CNTLN: variants seen among roughly 807,000 people sequenced by gnomAD.
The protein encoded by CNTLN is centlein, centrosomal protein.
In CNTLN, 212 loss-of-function variants were observed where a neutral mutation model predicts 180.0. The ratio of observed to expected loss-of-function variants is 1.18; its 90% CI spans 1.05 to 1.32. The LOEUF is 1.32. CNTLN is among the 40% of genes most tolerant of loss of function. The pLI is 0.00. For synonymous variants in CNTLN, 722 were observed against 563.1 expected, an observed-to-expected ratio of 1.28 and a Z score of -3.99; for missense variants, 2,095 against 1,610.9, an observed-to-expected ratio of 1.30 and a Z score of -5.14.
chr9:17,417,911 A>AGT (rs1828389530), intron 18 of CNTLN, among the ~76,000 whole-genome samples: 1 of 152,030 alleles, frequency 6.6e-6, no homozygotes. Flanking sequence ...ATTAGGAGGT[A>AGT]TAAAAAGCAC....
chr9:17,330,666 C>A lies in CNTLN; in HGVS notation c.1376C>A (p.Thr459Lys). The A allele has an allele frequency of 6.2e-7, 1 of 1,608,030 alleles. No individual in the cohort carries two copies. The highest frequency in any genetic ancestry group is 8.5e-7 in the Non-Finnish European group (1 of 1,176,846). ...CGCCCATCCTTATCAAGCTTAGAAA[C>A]GTTAATGGTTTCACAGAAGTCTGAA... Reference protein sequence around the residue: ...PHRPSLSSLETLMVSQKSEIE... With the variant: ...PHRPSLSSLEKLMVSQKSEIE... The change falls in exon 9 of 26, where the codon ACG (threonine) becomes AAG (lysine). Residue 459 changes from threonine (T) to lysine (K), a missense_variant. Thr to Lys is a moderately conservative substitution (Grantham distance 78). Transcript: ENST00000380647.
At chr9:17,267,093 G>A (rs940274219) in intron 5 of CNTLN, among the ~76,000 whole-genome samples, 19 of 152,066 alleles carry the variant, frequency 1.2e-4, no homozygotes, top group African/African-American at 4.6e-4. Context: ...GATGTTAGCT[G>A]GTTATTTTGC....
At chr9:17,320,911 C>T (rs999590076) in intron 8 of CNTLN, among the ~76,000 whole-genome samples, 6 of 152,154 alleles carry the variant, frequency 3.9e-5, no homozygotes, top group Non-Finnish European at 2.9e-5. Context: ...AATATATATT[C>T]CCTGCCAAAC....
At chr9:17,297,309 A>G (rs997491099) in intron 6 of CNTLN, among the ~76,000 whole-genome samples, 11 of 152,226 alleles carry the variant, frequency 7.2e-5, no homozygotes, top group African/African-American at 2.7e-4. Flanking sequence ...GGACTTGAGC[A>G]TCTGTAAATT....
Position 17,484,323 on chromosome 9 carries a change from T to C in CNTLN, c.3884T>C (p.Val1295Ala). Residue 1295 changes from valine (V) to alanine (A), a missense_variant, in exon 24 of 26, where the codon GTC becomes GCC. Transcript: ENST00000380647. ...KALAKELQNDVHVVRRQIREL... is the reference protein window; with the variant it reads ...KALAKELQNDAHVVRRQIREL... ...TTGGCCAAAGAGTTGCAAAATGATG[T>C]CCATGTGGTAAGGCGACAAATAAGA... is the stretch of plus-strand genomic sequence containing the variant. 1 of 1,604,306 alleles carries C rather than the reference T, an allele frequency of 6.2e-7. No individual in the cohort carries two copies. Among genetic ancestry groups the C allele is most frequent in the Non-Finnish European group, 8.5e-7 (1 of 1,177,498 alleles).
At chr9:17,460,858 T>C (rs1015091519) in intron 19 of CNTLN, among the ~76,000 whole-genome samples, 2 of 151,742 alleles carry the variant, frequency 1.3e-5, no homozygotes, top group African/African-American at 4.8e-5. Flanking sequence ...CAATTCTAAG[T>C]TTATTTTACT....
At chr9:17,526,981 G>A in the CNTLN span, among the ~76,000 whole-genome samples, 3 of 152,206 alleles carry the variant, frequency 2.0e-5, no homozygotes, top group African/African-American at 7.2e-5. Flanking sequence ...GGGTCCAAGT[G>A]ATTCTCCTGC....
At chr9:17,332,528 C>T (rs1335214374) in intron 9 of CNTLN, 77 bp from the exon 10 acceptor site, 5 of 1,321,786 alleles carry the variant, frequency 3.8e-6, no homozygotes, top group Admixed American at 5.1e-5. Flanking sequence ...TTCAAAATTA[C>T]TTGTTCTTTA....
At chr9:17,357,260 T>C (rs935597889) in intron 12 of CNTLN, among the ~76,000 whole-genome samples, 7 of 98,160 alleles carry the variant, frequency 7.1e-5, no homozygotes, top group Admixed American at 6.2e-4. Context: ...CATTGATGGA[T>C]GTTTGGGTTT....
At chr9:17,156,820 A>G (rs1454327178) in intron 2 of CNTLN, among the ~76,000 whole-genome samples, 1 of 152,238 alleles carries the variant, frequency 6.6e-6, no homozygotes, top group Admixed American at 6.5e-5. Flanking sequence ...TATATTCAGA[A>G]TGATTTATAA....
At chr9:17,184,229 T>G (rs1428024047) in intron 2 of CNTLN, among the ~76,000 whole-genome samples, 2 of 152,150 alleles carry the variant, frequency 1.3e-5, no homozygotes, top group African/African-American at 2.4e-5. Flanking sequence ...TTTAATTATT[T>G]GAAAATGATC....
At chr9:17,236,362 TG>T in intron 4 of CNTLN, 46 bp from the exon 5 acceptor site, 1 of 1,484,296 alleles carries the variant, frequency 6.7e-7, no homozygotes, top group East Asian at 2.4e-5. Flanking sequence ...TTGGGTTTTT[TG>T]TTTCGTTTTG....
intron 1 of CNTLN, among the ~76,000 whole-genome samples, chr9:17,138,806 A>G (rs1305072595): frequency 3.9e-5 from 6 of 152,130 alleles, no homozygotes; most frequent in Non-Finnish European, 8.8e-5. Flanking sequence ...TATTGCCAAC[A>G]CTAAATTATT....
At chr9:17,270,144 C>T (rs1241794505) in intron 5 of CNTLN, among the ~76,000 whole-genome samples, 1 of 151,858 alleles carries the variant, frequency 6.6e-6, no homozygotes, top group African/African-American at 2.4e-5. Flanking sequence ...TTTTTCCCTT[C>T]TCTTAGTATA....
At chr9:17,269,800 T>G in intron 5 of CNTLN, among the ~76,000 whole-genome samples, 1 of 152,170 alleles carries the variant, frequency 6.6e-6, no homozygotes. Flanking sequence ...TCTACTCCTC[T>G]ATTTCATTAT....
chr9:17,514,011 A>G, the CNTLN span, among the ~76,000 whole-genome samples: 2 of 152,098 alleles, frequency 1.3e-5, no homozygotes, highest in Admixed American at 1.3e-4. Context: ...TTCACTTAAG[A>G]AGTGGTAGAA....
intron 2 of CNTLN, among the ~76,000 whole-genome samples, chr9:17,210,126 C>T (rs538649069): frequency 6.6e-5 from 10 of 152,220 alleles, no homozygotes; most frequent in African/African-American, 2.4e-4. Flanking sequence ...AGGTTTGTTA[C>T]ATATGTATAC....
chr9:17,487,007 A>T lies in CNTLN; in HGVS notation c.4060A>T (p.Ile1354Phe), dbSNP rs200584493. ...EDQVEIEKTK[I>F]DAENDKEWML... is the part of the protein sequence containing the mutation. ...TCTTCAGGAAATTGAAAAAACAAAA[A>T]TTGATGCTGAAAATGACAAGGAATG... Residue 1354 changes from isoleucine (I) to phenylalanine (F), a missense_variant, in exon 25 of 26, where the codon ATT (isoleucine) becomes TTT (phenylalanine). Physicochemically the swap from Ile to Phe is conservative, Grantham distance 21 (BLOSUM62 0). Coordinates refer to ENST00000380647, the MANE Select transcript of CNTLN (RefSeq NM_017738.4). 8.4e-5 allele frequency: 132 copies of T among 1,578,254 alleles called. No individual in the cohort carries two copies. Among genetic ancestry groups the T allele is most frequent in the Admixed American group, 1.7e-4 (8 of 48,196 alleles).
At chr9:17,307,290 A>T (rs1341292727) in intron 7 of CNTLN, among the ~76,000 whole-genome samples, 1 of 151,916 alleles carries the variant, frequency 6.6e-6, no homozygotes, top group Non-Finnish European at 1.5e-5. Flanking sequence ...TTTTTTTAAG[A>T]CAGTGTCTCC....
Sources: allele counts gnomAD v4.1 joint callset (sites outside exome capture counted in the v4.1 genomes callset), GRCh38; gene constraint gnomAD v4.1.1; transcripts MANE v1.5; gene names NCBI Gene and HGNC (gene_info 2026-07-23, HGNC 2026-07-21).